The following DIAPH3 variants were observed in gnomAD, a reference collection of about 807,000 sequenced individuals.
The protein encoded by DIAPH3 is diaphanous related formin 3.
A neutral mutation model predicts 144.3 loss-of-function variants in DIAPH3; 117 were observed. The observed-to-expected ratio is 0.81, with a 90% CI of 0.70 to 0.95. DIAPH3 has a LOEUF of 0.95. DIAPH3 is among the 40% of genes least tolerant of loss of function. The pLI is 0.00. For missense variants in DIAPH3, 1,421 were observed against 1,412.7 expected (o/e 1.01, Z -0.09); for synonymous variants, 519 against 488.9 (o/e 1.06, Z -0.81).
At chr13:59,851,872 C>T (rs547293111) in intron 22 of DIAPH3, among the ~76,000 whole-genome samples, 52 of 152,230 alleles carry the variant, frequency 3.4e-4, no homozygotes, top group Non-Finnish European at 5.9e-4. Flanking sequence ...CACGCCTCGG[C>T]CTCCCAAAGT....
At chr13:60,019,546 C>T (rs563168553) in intron 5 of DIAPH3, among the ~76,000 whole-genome samples, 3 of 151,342 alleles carry the variant, frequency 2.0e-5, no homozygotes, top group South Asian at 2.1e-4. Flanking sequence ...TCAGCATTTC[C>T]TAGTAGGGGT....
At chr13:60,044,989 TTG>T (rs2055964014) in intron 4 of DIAPH3, among the ~76,000 whole-genome samples, 1 of 152,202 alleles carries the variant, frequency 6.6e-6, no homozygotes, top group African/African-American at 2.4e-5. Context: ...TCTGCCATGA[TTG>T]TGAGGCCTCC....
chr13:59,922,675 T>C (rs2047575183), intron 18 of DIAPH3, among the ~76,000 whole-genome samples: 2 of 152,096 alleles, frequency 1.3e-5, no homozygotes, highest in Non-Finnish European at 2.9e-5. Flanking sequence ...TAAATCATAA[T>C]GCCTGCTACC....
At chr13:59,770,209 C>T (rs1467919926) in intron 27 of DIAPH3, among the ~76,000 whole-genome samples, 3 of 152,138 alleles carry the variant, frequency 2.0e-5, no homozygotes, top group Non-Finnish European at 4.4e-5. Context: ...ACAGCTGGAA[C>T]TTTAGCAACT....
intron 3 of DIAPH3, among the ~76,000 whole-genome samples, chr13:60,099,907 A>AGAAGGAAGGAAGGAAGGAAG (rs748938775): frequency 7.0e-4 from 73 of 104,842 alleles, no homozygotes; most frequent in African/African-American, 1.5e-3. Context: ...AGAAAGTAAG[A>AGAAGGAAGGAAGGAAGGAAG]GAAGGAAGGA....
chr13:60,082,472 G>T (rs1344547580), intron 4 of DIAPH3, among the ~76,000 whole-genome samples: 1 of 151,036 alleles, frequency 6.6e-6, no homozygotes. Context: ...CCCAGAGAAA[G>T]AAAGACATTA....
intron 2 of DIAPH3, among the ~76,000 whole-genome samples, chr13:60,125,433 G>T (rs1021499013): frequency 8.0e-6 from 1 of 124,374 alleles, no homozygotes; most frequent in Admixed American, 8.4e-5. Context: ...TAGAGACAGG[G>T]TCTCCCTATC....
intron 5 of DIAPH3, among the ~76,000 whole-genome samples, chr13:60,017,551 C>T (rs999181104): frequency 2.0e-5 from 3 of 151,968 alleles, no homozygotes; most frequent in African/African-American, 7.3e-5. Flanking sequence ...CCAAATGCAA[C>T]ATATTTATAT....
intron 27 of DIAPH3, among the ~76,000 whole-genome samples, chr13:59,749,790 A>G (rs2036907808): frequency 1.3e-5 from 2 of 152,148 alleles, no homozygotes; most frequent in Non-Finnish European, 2.9e-5. Flanking sequence ...TCTCCTTAGA[A>G]TTTATGGAAT....
In DIAPH3 at chr13:60,003,359, T is replaced by C. The variant is rs182068206; in HGVS notation, c.1014+5185A>G. Among the ~76,000 whole-genome samples, 8 of 152,244 alleles carry C rather than the reference T, an allele frequency of 5.3e-5. No individual in the cohort carries two copies. In the East Asian group the frequency reaches 1.5e-3, roughly 29 times the overall value. On this transcript the variant is annotated intron_variant, in intron 9 of 27. Transcript: ENST00000400324. ...ATTTGTTTCATAGCATATTTAATTT[T>C]GTAATAACATTTTCTGCTTAAATTA...
chr13:60,018,635 A>C (rs1329241446), intron 5 of DIAPH3, among the ~76,000 whole-genome samples: 1 of 152,178 alleles, frequency 6.6e-6, no homozygotes, highest in Non-Finnish European at 1.5e-5. Flanking sequence ...CTATAAAACA[A>C]AACTTATTAA....
At chr13:60,106,789 T>A (rs762921109) in intron 3 of DIAPH3, among the ~76,000 whole-genome samples, 5 of 152,168 alleles carry the variant, frequency 3.3e-5, no homozygotes, top group Non-Finnish European at 7.4e-5. Flanking sequence ...GACACATTTA[T>A]AATCAGAAAA....
chr13:60,046,768 T>C (rs939971919), intron 4 of DIAPH3, among the ~76,000 whole-genome samples: 1 of 152,232 alleles, frequency 6.6e-6, no homozygotes, highest in Non-Finnish European at 1.5e-5. Context: ...GTGGCACATA[T>C]ACACCATGGA....
rs1285656936 is a variant in DIAPH3 at position 60,010,615 on chromosome 13, C to T, written c.826G>A (p.Ala276Thr). The T allele has an allele frequency of 6.2e-7, 1 of 1,613,654 alleles. No homozygotes were observed. The highest frequency in any genetic ancestry group is 8.5e-7 in the Non-Finnish European group (1 of 1,179,862). Residue 276 changes from alanine to threonine, a missense_variant, in exon 8 of 28, where the codon GCC becomes ACC. Transcript: ENST00000400324. ...EERSLSLLAKAVDPRHPNMMT... is the reference protein window; with the variant it reads ...EERSLSLLAKTVDPRHPNMMT... Reference sequence around the variant, plus strand: ...ATATTGGGGTGTCTGGGATCCACGGCTTTGGCCAATAAGGAAAGGCTCCTC... The same window carrying T: ...ATATTGGGGTGTCTGGGATCCACGGTTTTGGCCAATAAGGAAAGGCTCCTC...
chr13:59,826,389 A>G (rs1411040616), intron 24 of DIAPH3, among the ~76,000 whole-genome samples: 1 of 147,850 alleles, frequency 6.8e-6, no homozygotes, highest in Non-Finnish European at 1.5e-5. Flanking sequence ...CACCAATAAC[A>G]GACAAACAGA....
intron 17 of DIAPH3, among the ~76,000 whole-genome samples, chr13:59,935,722 T>G (rs2048232152): frequency 6.6e-6 from 1 of 152,160 alleles, no homozygotes; most frequent in Admixed American, 6.5e-5. Context: ...AATAAATGGG[T>G]GTGTACCTAA....
chr13:59,744,637 T>A (rs1267417866), intron 27 of DIAPH3, among the ~76,000 whole-genome samples: 1 of 152,156 alleles, frequency 6.6e-6, no homozygotes, highest in Non-Finnish European at 1.5e-5. Context: ...AGACTCCTTC[T>A]CTATTAGGAA....
chr13:59,914,754 TACAA>T (rs1296429400), intron 19 of DIAPH3, among the ~76,000 whole-genome samples: 1 of 152,278 alleles, frequency 6.6e-6, no homozygotes, highest in Middle Eastern at 3.4e-3. Context: ...AAGCTGGAAA[TACAA>T]ACAGATTCTT....
intron 20 of DIAPH3, among the ~76,000 whole-genome samples, chr13:59,903,337 C>G (rs1483791344): frequency 6.6e-6 from 1 of 152,096 alleles, no homozygotes; most frequent in Non-Finnish European, 1.5e-5. Flanking sequence ...GTGGAGATAT[C>G]CTTTCAGTTT....
Sources: gnomAD v4.1 joint callset for allele counts (sites outside exome capture counted in the v4.1 genomes callset) on GRCh38, gnomAD v4.1.1 for gene constraint, MANE v1.5 for transcripts, NCBI Gene and HGNC (gene_info 2026-07-23, HGNC 2026-07-21) for gene names.